The following ADAMTS15 variants were observed in gnomAD, a reference collection of about 807,000 sequenced individuals.
The protein encoded by ADAMTS15 is ADAM metallopeptidase with thrombospondin type 1 motif 15, also known as A disintegrin and metalloproteinase with thrombospondin motifs 15.
ADAMTS15 carries 35 observed loss-of-function variants against 79.1 expected under a neutral mutation model. The ratio of observed to expected loss-of-function variants is 0.44; its 90% confidence interval spans 0.34 to 0.59. The LOEUF (loss-of-function observed/expected upper bound fraction) is 0.59, where lower values mean the gene tolerates loss of function less well. Among genes scored for constraint, ADAMTS15 ranks in the 20% least tolerant of loss-of-function variants. The pLI is 0.02. For synonymous variants in ADAMTS15, 616 were observed against 567.3 expected, an observed-to-expected ratio of 1.09 and a Z score of -1.22; for missense variants, 1,324 against 1,318.7, an observed-to-expected ratio of 1.00 and a Z score of -0.06.
At position 130,472,326 on chromosome 11, in the gene ADAMTS15, C is replaced by T. The variant is rs944236321; in HGVS notation, c.2079-721C>T. Among the ~76,000 whole-genome samples, 24 of 152,166 alleles carry T rather than the reference C, an allele frequency of 1.6e-4. No individual in the cohort carries two copies. Among genetic ancestry groups the T allele is most frequent in the African/African-American group, 4.1e-4 (17 of 41,440 alleles). ...ATGCCCAGCCCTGTCTCTGGGAGCT[C>T]GGGCACCAGGGACGGATGGCATTCC... On this transcript the variant is annotated intron_variant, in intron 7 of 7. Transcript: ENST00000299164. This position sits in a 1 kb window ranked among gnomAD's most constrained non-coding sequence, Gnocchi z 4.7.
Position 130,471,112 on chromosome 11 carries a change from C to T in ADAMTS15, c.1902+11C>T, listed in dbSNP as rs776903816. Reference sequence around the variant, plus strand: ...GTGCTGGCACCCAAGGTGAGTGAGCCTGGGGCCTGAGAACAAAGTAGGGAC... The same window carrying T: ...GTGCTGGCACCCAAGGTGAGTGAGCTTGGGGCCTGAGAACAAAGTAGGGAC... On this transcript the variant is annotated intron_variant, in intron 6 of 7. Coordinates refer to ENST00000299164, the MANE Select transcript of ADAMTS15 (RefSeq NM_139055.4). The T allele has an allele frequency of 7.5e-6, 12 of 1,608,914 alleles. No homozygotes were observed. In the East Asian group the frequency reaches 2.7e-4, roughly 36 times the overall value.
chr11:130,462,910 A>G lies in ADAMTS15; in HGVS notation c.1542+130A>G, dbSNP rs1938232806. ...CTGGCCACGGGACCAGCACTGTTGC[A>G]TGGCTGAGCTGTGCCTTCACTGCCC... On this transcript the variant is annotated intron_variant, in intron 4 of 7. Coordinates refer to ENST00000299164, the MANE Select transcript of ADAMTS15 (RefSeq NM_139055.4). The surrounding 1 kb of genome is among the most constrained non-coding windows in gnomAD (Gnocchi z 4.3). The G allele has an allele frequency of 7.9e-7, 1 of 1,272,862 alleles. No homozygotes were observed. Among genetic ancestry groups the G allele is most frequent in the Admixed American group, 2.5e-5 (1 of 40,688 alleles). The allele number at this position is 1,272,862 out of a possible 1,614,324, so 78.8% of individuals were successfully genotyped here. A position where few individuals can be genotyped will look rare whatever the true frequency, so the allele number is the denominator to read the frequency against.
In ADAMTS15 at chr11:130,471,446, G is replaced by T; in HGVS notation, c.2078+63G>T. Reference sequence around the variant, plus strand: ...AGGGAGGGAGGTGGAGTTTCCCAGGGTATTGGAAGCTTGGGTTAGACTGGG... The same window carrying T: ...AGGGAGGGAGGTGGAGTTTCCCAGGTTATTGGAAGCTTGGGTTAGACTGGG... On this transcript the variant is annotated intron_variant, in intron 7 of 7. Transcript: ENST00000299164. 1.3e-5 allele frequency: 20 copies of T among 1,555,954 alleles called. No individual in the cohort carries two copies. In the South Asian group the frequency reaches 2.3e-4, roughly 18 times the overall value.
Position 130,448,968 on chromosome 11 carries a change from G to A in ADAMTS15, c.-6G>A, listed in dbSNP as rs1448239649. Reference sequence around the variant, plus strand: ...CCCACAGCGCGGCGGTGCGCTGCCCGGCGCCATGCTTCTGCTGGGCATCCT... The same window carrying A: ...CCCACAGCGCGGCGGTGCGCTGCCCAGCGCCATGCTTCTGCTGGGCATCCT... On this transcript the variant is annotated 5_prime_UTR_variant, in exon 1 of 8. Coordinates refer to ENST00000299164, the MANE Select transcript of ADAMTS15 (RefSeq NM_139055.4). 2.0e-6 allele frequency: 3 copies of A among 1,488,942 alleles called. No homozygotes were observed. In the African/African-American group the frequency reaches 4.2e-5, roughly 21 times the overall value. 92.2% of individuals were successfully genotyped at this position (1,488,942 alleles called of 1,614,324 possible).
chr11:130,470,154 G>GTATATATATATATATATATATATA (rs869166777), intron 5 of ADAMTS15, among the ~76,000 whole-genome samples: 1 of 55,574 alleles, frequency 1.8e-5, no homozygotes, highest in East Asian at 4.1e-4. Flanking sequence ...ATATATATGT[G>GTATATATATATATATATATATATA]TATATATATA....
Position 130,474,007 on chromosome 11 carries a change from C to A in ADAMTS15, c.*186C>A. 3 of 806,212 alleles carry A rather than the reference C, an allele frequency of 3.7e-6. 1 individual carries two copies. The highest frequency in any genetic ancestry group is 5.4e-5 in the East Asian group (2 of 36,952). The allele number at this position is 806,212 out of a possible 1,614,324, so 49.9% of individuals were successfully genotyped here. A position where few individuals can be genotyped will look rare whatever the true frequency, so the allele number is the denominator to read the frequency against. On this transcript the variant is annotated 3_prime_UTR_variant, in exon 8 of 8. Coordinates refer to ENST00000299164, the MANE Select transcript of ADAMTS15 (RefSeq NM_139055.4). ...CCTCCCTGGACTGGGCAGAGGGAAGCCCAGGAACTCCCGCACAGTCTACCT... is the reference window on the plus strand; with the variant it reads ...CCTCCCTGGACTGGGCAGAGGGAAGACCAGGAACTCCCGCACAGTCTACCT...
chr11:130,457,162 C>T (rs187645544), intron 1 of ADAMTS15, among the ~76,000 whole-genome samples: 55 of 147,456 alleles, frequency 3.7e-4, no homozygotes, highest in African/African-American at 1.3e-3. Context: ...ACCCGGGAGG[C>T]AGAGGTTGCA....
chr11:130,461,849 G>A (rs564681350), intron 2 of ADAMTS15, among the ~76,000 whole-genome samples: 1 of 152,272 alleles, frequency 6.6e-6, no homozygotes, highest in East Asian at 1.9e-4. Flanking sequence ...GGCACTGTGG[G>A]GACACCATGT....
At position 130,472,680 on chromosome 11, in the gene ADAMTS15, CCCT is replaced by C. The variant is rs558950716; in HGVS notation, c.2079-341_2079-339del. Reference sequence around the variant, plus strand: ...GGTGGACTTACTCCTCCCGCCCCACCCCTCCTCCTCCTCCTCCTCCTCCTCCTC... The same window carrying C: ...GGTGGACTTACTCCTCCCGCCCCACCCCTCCTCCTCCTCCTCCTCCTCCTC... On this transcript the variant is annotated intron_variant, in intron 7 of 7. Transcript: ENST00000299164. The surrounding 1 kb of genome is among the most constrained non-coding windows in gnomAD (Gnocchi z 4.7). Among the ~76,000 whole-genome samples, 806 of 144,016 alleles carry C rather than the reference CCCT, an allele frequency of 5.6e-3. 2 individuals carry two copies. Among genetic ancestry groups the C allele is most frequent in the Middle Eastern group, 0.011 (3 of 280 alleles). 94.5% of individuals were successfully genotyped at this position (144,016 alleles called of 152,430 possible).
chr11:130,449,817 A>G lies in ADAMTS15; in HGVS notation c.844A>G (p.Thr282Ala), dbSNP rs1937925662. 6.2e-7 allele frequency: 1 copy of G among 1,610,810 alleles called. No individual in the cohort carries two copies. Among genetic ancestry groups the G allele is most frequent in the South Asian group, 1.1e-5 (1 of 91,080 alleles). Reference protein sequence around the residue: ...LRDRDSGPKVTGNAALTLRNF... With the variant: ...LRDRDSGPKVAGNAALTLRNF... ...AGATCGTGACTCCGGGCCCAAGGTC[A>G]CCGGCAATGCGGCCCTGACGCTGCG... The change falls in exon 1 of 8, where the codon ACC becomes GCC. Residue 282 changes from threonine (T) to alanine (A), a missense_variant. By Grantham distance (58) the Thr-to-Ala change is moderately conservative (BLOSUM62 0). Transcript: ENST00000299164. The surrounding 1 kb of genome is among the most constrained non-coding windows in gnomAD (Gnocchi z 7.8).
intron 1 of ADAMTS15, among the ~76,000 whole-genome samples, chr11:130,458,095 G>T (rs577015341): frequency 3.3e-5 from 5 of 152,314 alleles, no homozygotes; most frequent in Admixed American, 3.3e-4. Context: ...ACCCTCCCTA[G>T]GAGGAAGGAG....
intron 1 of ADAMTS15, among the ~76,000 whole-genome samples, chr11:130,453,537 A>G (rs899128979): frequency 6.6e-6 from 1 of 151,970 alleles, no homozygotes; most frequent in Non-Finnish European, 1.5e-5. Flanking sequence ...GGGTCAAGTA[A>G]TACTCCCACC....
chr11:130,450,518 A>T (rs1937942140), intron 1 of ADAMTS15: 1 of 821,232 alleles, frequency 1.2e-6, no homozygotes, highest in African/African-American at 1.9e-5. Context: ...GGCCAGACTC[A>T]AGTACTGCGA....
rs935063598 is a variant in ADAMTS15 at position 130,475,159 on chromosome 11, GC to G, written c.*1343del. ...GTGGCTTCCTGCTCCCCACAGCCCA[GC>G]CCCCTGTTGGGGCTCCAAAGCCGAA... On this transcript the variant is annotated 3_prime_UTR_variant, in exon 8 of 8. Transcript: ENST00000299164. 6.6e-6 allele frequency: 1 copy of G among 152,300 alleles called. No homozygotes were observed. Among genetic ancestry groups the G allele is most frequent in the Non-Finnish European group, 1.5e-5 (1 of 68,126 alleles). 9.4% of individuals were successfully genotyped at this position (152,300 alleles called of 1,614,324 possible). A position where few individuals can be genotyped will look rare whatever the true frequency, so the allele number is the denominator to read the frequency against.
rs763988109 is a variant in ADAMTS15 at position 130,449,486 on chromosome 11, C to A, written c.513C>A (p.Thr171=). 1.9e-6 allele frequency: 3 copies of A among 1,560,174 alleles called. No individual in the cohort carries two copies. The highest frequency in any genetic ancestry group is 4.5e-5 in the East Asian group (2 of 44,216). ...GVPGGPSGDP[T]SRCGVASGWN... ...CGGGCGGGCCTTCCGGAGACCCCAC[C>A]TCTCGCTGCGGGGTGGCCTCGGGCT... Residue 171 remains threonine, a synonymous_variant, in exon 1 of 8, where the codon ACC becomes ACA. Transcript: ENST00000299164. The surrounding 1 kb of genome is among the most constrained non-coding windows in gnomAD (Gnocchi z 7.8).
rs1486669481 is a variant in ADAMTS15, at chr11:130,462,022, C to T, written c.1091-65C>T. The T allele has an allele frequency of 2.1e-6, 3 of 1,419,368 alleles. No individual in the cohort carries two copies. The highest frequency in any genetic ancestry group is 2.9e-6 in the Non-Finnish European group (3 of 1,021,538). 87.9% of individuals were successfully genotyped at this position (1,419,368 alleles called of 1,614,324 possible). On this transcript the variant is annotated intron_variant, in intron 2 of 7. Coordinates refer to ENST00000299164, the MANE Select transcript of ADAMTS15 (RefSeq NM_139055.4). This position sits in a 1 kb window ranked among gnomAD's most constrained non-coding sequence, Gnocchi z 4.3. Reference sequence around the variant, plus strand: ...CATGGGCTTTCTAGTTCCCCTGCCCCATTCCTCCCTCCAACCCCCATGTCC... The same window carrying T: ...CATGGGCTTTCTAGTTCCCCTGCCCTATTCCTCCCTCCAACCCCCATGTCC...
intron 1 of ADAMTS15, among the ~76,000 whole-genome samples, chr11:130,458,921 C>T (rs1044073444): frequency 6.6e-6 from 1 of 152,122 alleles, no homozygotes; most frequent in African/African-American, 2.4e-5. Context: ...GCCTTCATCC[C>T]TGCCCTCATC....
chr11:130,450,773 G>C (rs560732087), intron 1 of ADAMTS15, among the ~76,000 whole-genome samples: 1 of 152,210 alleles, frequency 6.6e-6, no homozygotes, highest in African/African-American at 2.4e-5. Flanking sequence ...AGCAGAGCGG[G>C]CATGCTTGCT....
chr11:130,449,436 C>A lies in ADAMTS15; in HGVS notation c.463C>A (p.His155Asn). The A allele has an allele frequency of 6.3e-7, 1 of 1,589,910 alleles. No homozygotes were observed. Among genetic ancestry groups the A allele is most frequent in the Non-Finnish European group, 8.5e-7 (1 of 1,171,838 alleles). Residue 155 changes from histidine (H) to asparagine (N), a missense_variant, in exon 1 of 8, where the codon CAC (histidine) becomes AAC (asparagine). By Grantham distance (68) the His-to-Asn change is moderately conservative. Transcript: ENST00000299164. The surrounding 1 kb of genome is among the most constrained non-coding windows in gnomAD (Gnocchi z 7.8). The stretch of plus-strand genomic sequence containing the variant: ...GGCGCAGCGCAACAGCCAGGGCGCA[C>A]ACCTTCTCCAGCGCCGGGGTGTTCC... The part of the protein sequence containing the change: ...PAAQRNSQGA[H>N]LLQRRGVPGG...
Sources: allele counts gnomAD v4.1 joint callset (sites outside exome capture counted in the v4.1 genomes callset), GRCh38; gene constraint gnomAD v4.1.1; non-coding constraint Gnocchi (gnomAD v3.1); transcripts MANE v1.5; gene names NCBI Gene and HGNC (gene_info 2026-07-23, HGNC 2026-07-21).